MFSD11: variants seen among roughly 807,000 people sequenced by gnomAD.
MFSD11 encodes major facilitator superfamily domain containing 11, also known as UNC93-like protein MFSD11.
In MFSD11, 36 loss-of-function variants were observed where a neutral mutation model predicts 53.5. The observed-to-expected ratio is 0.67, with a 90% CI of 0.52 to 0.89. The LOEUF is 0.89. Among genes scored for constraint, MFSD11 ranks in the 40% least tolerant of loss-of-function variants. The pLI is 0.00. For missense variants in MFSD11, 530 were observed against 543.9 expected (o/e 0.97, Z 0.25); for synonymous variants, 186 against 184.9 (o/e 1.01, Z -0.05).
Position 76,765,219 on chromosome 17 carries a change from A to T in MFSD11, c.683-2167A>T, listed in dbSNP as rs187919730. ...TGGAAATCCAGCTTTATTCTTTTGC[A>T]TGTCAATATCCTGTTGTAGTCACGC... is the stretch of plus-strand genomic sequence containing the variant. On this transcript the variant is annotated intron_variant, in intron 8 of 12. Coordinates refer to ENST00000685175, the MANE Select transcript of MFSD11 (RefSeq NM_001242532.5). Among the ~76,000 whole-genome samples the T allele has an allele frequency of 5.9e-5, 9 of 152,162 alleles. No individual in the cohort carries two copies. In the East Asian group the frequency reaches 1.7e-3, roughly 29 times the overall value.
the MFSD11 span, among the ~76,000 whole-genome samples, chr17:76,797,826 G>T: frequency 6.6e-6 from 1 of 152,112 alleles, no homozygotes; most frequent in African/African-American, 2.4e-5. Flanking sequence ...AGGGAGGGGA[G>T]TTCCTATAAT....
chr17:76,772,393 C>A (rs1333454833), intron 10 of MFSD11, among the ~76,000 whole-genome samples: 1 of 151,744 alleles, frequency 6.6e-6, no homozygotes, highest in Non-Finnish European at 1.5e-5. Flanking sequence ...GAGCAAGATT[C>A]TGTCTCAAAA....
intron 8 of MFSD11, among the ~76,000 whole-genome samples, chr17:76,766,268 A>C (rs1225337748): frequency 6.6e-6 from 1 of 151,544 alleles, no homozygotes; most frequent in Non-Finnish European, 1.5e-5. Context: ...AGTACAAAAT[A>C]ATTAGCCGGG....
chr17:76,745,095 G>T (rs575810761), intron 7 of MFSD11, among the ~76,000 whole-genome samples: 59 of 152,322 alleles, frequency 3.9e-4, no homozygotes, highest in African/African-American at 1.4e-3. Flanking sequence ...CTAGTGATCT[G>T]CAGTATCATT....
At chr17:76,762,937 C>G (rs1032074299) in intron 8 of MFSD11, among the ~76,000 whole-genome samples, 2 of 151,556 alleles carry the variant, frequency 1.3e-5, no homozygotes, top group African/African-American at 4.9e-5. Context: ...ACTAAGGGGA[C>G]AAGGCTGCCT....
intron 8 of MFSD11, among the ~76,000 whole-genome samples, chr17:76,760,200 G>T (rs1336170143): frequency 6.6e-6 from 1 of 151,704 alleles, no homozygotes; most frequent in Non-Finnish European, 1.5e-5. Context: ...CCCTGGGGTG[G>T]GGGTGGTGGC....
intron 1 of MFSD11, 136 bp from the exon 2 acceptor site, chr17:76,738,802 C>A (rs1164485281): frequency 2.9e-6 from 2 of 685,614 alleles, no homozygotes; most frequent in Non-Finnish European, 5.1e-6. Context: ...TTTTTCTTTT[C>A]TCATAATGGA....
intron 7 of MFSD11, 107 bp from the exon 8 acceptor site, chr17:76,753,940 C>A: frequency 1.1e-6 from 1 of 870,752 alleles, no homozygotes; most frequent in Non-Finnish European, 1.8e-6. Context: ...GCATCTCAGA[C>A]CTGGTATAGG....
chr17:76,779,472 A>T (rs982558961), downstream of MFSD11, among the ~76,000 whole-genome samples: 1 of 151,676 alleles, frequency 6.6e-6, no homozygotes, highest in Admixed American at 6.6e-5. Flanking sequence ...AGTCTTTTTT[A>T]AAATTTATTT....
intron 7 of MFSD11, among the ~76,000 whole-genome samples, chr17:76,745,725 T>C (rs968592398): frequency 2.0e-5 from 3 of 152,198 alleles, no homozygotes; most frequent in Non-Finnish European, 4.4e-5. Flanking sequence ...CACAGCAATA[T>C]TGAAATTAGG....
the MFSD11 span, among the ~76,000 whole-genome samples, chr17:76,794,175 G>A: frequency 1.3e-5 from 2 of 151,372 alleles, no homozygotes; most frequent in African/African-American, 2.5e-5. Context: ...AATACAAGGA[G>A]AGATGGATTT....
chr17:76,782,548 G>A (rs1291571028), downstream of MFSD11, among the ~76,000 whole-genome samples: 4 of 129,536 alleles, frequency 3.1e-5, no homozygotes, highest in East Asian at 2.5e-4. Flanking sequence ...GCGCAATCTC[G>A]GCTCACTGCA....
chr17:76,760,097 G>A (rs147935564), intron 8 of MFSD11, among the ~76,000 whole-genome samples: 2,518 of 150,464 alleles, frequency 0.017, 44 homozygotes, highest in Non-Finnish European at 0.023. Context: ...GCGAAACTCC[G>A]TCTCTACTAA....
upstream of MFSD11, chr17:76,737,580 C>T (rs1469856196): frequency 8.6e-6 from 2 of 233,648 alleles, no homozygotes; most frequent in East Asian, 1.4e-4. Context: ...GCTTTTTCCG[C>T]CTGGGAGGCC....
intron 9 of MFSD11, among the ~76,000 whole-genome samples, chr17:76,768,146 T>C (rs1167291049): frequency 6.6e-6 from 1 of 151,524 alleles, no homozygotes; most frequent in African/African-American, 2.4e-5. Context: ...CTACTAAAAA[T>C]ACAAAAAATT....
chr17:76,747,496 A>G (rs11869266), intron 7 of MFSD11, among the ~76,000 whole-genome samples: 150,964 of 152,204 alleles, frequency 0.99, 74,874 homozygotes, highest in Non-Finnish European at 1. Context: ...CACCATACCC[A>G]GCTAATTTTT....
chr17:76,759,042 T>C (rs1192440385), intron 8 of MFSD11, among the ~76,000 whole-genome samples: 1 of 152,002 alleles, frequency 6.6e-6, no homozygotes, highest in Non-Finnish European at 1.5e-5. Context: ...GCTCAGGAGT[T>C]CGAGACCAGC....
intron 1 of MFSD11, 72 bp from the exon 2 acceptor site, chr17:76,738,866 G>T (rs1480449854): frequency 2.6e-6 from 3 of 1,135,686 alleles, no homozygotes; most frequent in East Asian, 4.7e-5. Flanking sequence ...CTGAGTACTT[G>T]GAGTCACACT....
chr17:76,757,368 CAG>C (rs777786565), intron 8 of MFSD11, among the ~76,000 whole-genome samples: 11 of 152,276 alleles, frequency 7.2e-5, no homozygotes, highest in East Asian at 5.8e-4. Context: ...AAAGTAGACT[CAG>C]GGGCCAGTTC....
Sources: allele counts gnomAD v4.1 joint callset (sites outside exome capture counted in the v4.1 genomes callset), GRCh38; gene constraint gnomAD v4.1.1; transcripts MANE v1.5; gene names NCBI Gene and HGNC (gene_info 2026-07-23, HGNC 2026-07-21).